Variants in GALNT13 observed in about 807,000 individuals in gnomAD.
GALNT13 encodes UDP-GalNAc:polypeptide N-acetylgalactosaminyltransferase 13.
A neutral mutation model predicts 64.2 loss-of-function variants in GALNT13; 28 were observed. That is an observed-to-expected ratio of 0.44 (90% CI 0.32 to 0.60). GALNT13 has a LOEUF of 0.60. Ranked by LOEUF, GALNT13 falls within the 20% of genes least tolerant of loss-of-function variation. GALNT13 has a pLI of 0.05. For missense variants in GALNT13, 577 were observed against 669.8 expected (o/e 0.86, Z 1.53); for synonymous variants, 214 against 224.6 (o/e 0.95, Z 0.42).
chr2:153,611,139 T>C, the GALNT13 span, among the ~76,000 whole-genome samples: 1 of 152,174 alleles, frequency 6.6e-6, no homozygotes, highest in Non-Finnish European at 1.5e-5. Flanking sequence ...AAGTTAACTC[T>C]CTAAGTTGTA....
chr2:153,759,136 A>G, the GALNT13 span, among the ~76,000 whole-genome samples: 1 of 151,976 alleles, frequency 6.6e-6, no homozygotes, highest in Non-Finnish European at 1.5e-5. Flanking sequence ...ACTGACTTTT[A>G]TATGTTGATT....
the GALNT13 span, among the ~76,000 whole-genome samples, chr2:153,254,848 T>G: frequency 2.0e-5 from 3 of 152,188 alleles, no homozygotes; most frequent in African/African-American, 4.8e-5. Flanking sequence ...TTGTTATAAT[T>G]TCTGTTCTTT....
At chr2:153,562,941 T>A in the GALNT13 span, among the ~76,000 whole-genome samples, 2 of 152,176 alleles carry the variant, frequency 1.3e-5, no homozygotes, top group Non-Finnish European at 2.9e-5. Flanking sequence ...TGATGTACCT[T>A]TGCAAATATG....
intron 4 of GALNT13, among the ~76,000 whole-genome samples, chr2:154,147,834 T>G (rs138745144): frequency 7.4e-4 from 112 of 152,126 alleles, no homozygotes; most frequent in African/African-American, 2.5e-3. Flanking sequence ...AAAGGGTTTT[T>G]AAAATATTAT....
At chr2:153,793,780 ATT>A in the GALNT13 span, among the ~76,000 whole-genome samples, 1 of 152,146 alleles carries the variant, frequency 6.6e-6, no homozygotes, top group Non-Finnish European at 1.5e-5. Flanking sequence ...GGGAAATAGC[ATT>A]TTCTTATACT....
chr2:153,351,698 T>C, the GALNT13 span, among the ~76,000 whole-genome samples: 1 of 152,196 alleles, frequency 6.6e-6, no homozygotes, highest in African/African-American at 2.4e-5. Flanking sequence ...TATCAGATAG[T>C]TGGATCACAC....
At chr2:153,222,509 T>C in the GALNT13 span, among the ~76,000 whole-genome samples, 2 of 152,096 alleles carry the variant, frequency 1.3e-5, no homozygotes, top group Non-Finnish European at 2.9e-5. Flanking sequence ...GGCTTGAAGA[T>C]GGGACTTCAC....
chr2:153,330,174 C>T, the GALNT13 span, among the ~76,000 whole-genome samples: 3 of 152,200 alleles, frequency 2.0e-5, no homozygotes, highest in African/African-American at 4.8e-5. Flanking sequence ...TTTTTGGTTA[C>T]TGTAGCCTTA....
chr2:154,021,912 G>T (rs1043716503), intron 3 of GALNT13, among the ~76,000 whole-genome samples: 11 of 151,780 alleles, frequency 7.2e-5, no homozygotes, highest in Non-Finnish European at 1.6e-4. Flanking sequence ...TTAGCATGAA[G>T]GGTTGTTGAA....
the GALNT13 span, among the ~76,000 whole-genome samples, chr2:153,791,649 C>T: frequency 9.9e-5 from 15 of 151,940 alleles, no homozygotes; most frequent in South Asian, 8.3e-4. Context: ...GCACTATTTA[C>T]GATAGCAAAA....
intron 3 of GALNT13, among the ~76,000 whole-genome samples, chr2:154,103,572 T>C (rs1278758830): frequency 6.6e-6 from 1 of 152,188 alleles, no homozygotes; most frequent in African/African-American, 2.4e-5. Context: ...GCTGGAGTTC[T>C]TGGGCTGACT....
the GALNT13 span, among the ~76,000 whole-genome samples, chr2:153,433,936 G>A: frequency 3.3e-5 from 5 of 151,724 alleles, no homozygotes; most frequent in South Asian, 2.1e-4. Context: ...CCATTAACTC[G>A]TCGTTTAGCA....
the GALNT13 span, among the ~76,000 whole-genome samples, chr2:153,142,754 A>G: frequency 2.0e-5 from 3 of 151,948 alleles, no homozygotes; most frequent in African/African-American, 7.2e-5. Context: ...AAATTAGTGA[A>G]GTTAGCCTGA....
chr2:153,509,276 G>T, the GALNT13 span, among the ~76,000 whole-genome samples: 1 of 152,212 alleles, frequency 6.6e-6, no homozygotes, highest in Non-Finnish European at 1.5e-5. Flanking sequence ...CTGCAGCTGC[G>T]TCAGGGAGCT....
At chr2:153,703,046 G>A in the GALNT13 span, among the ~76,000 whole-genome samples, 1 of 152,136 alleles carries the variant, frequency 6.6e-6, no homozygotes, top group Non-Finnish European at 1.5e-5. Context: ...AAGTAAGGGA[G>A]ACGTTTATAG....
At chr2:153,931,522 A>G (rs1690518333) in intron 2 of GALNT13, among the ~76,000 whole-genome samples, 1 of 151,848 alleles carries the variant, frequency 6.6e-6, no homozygotes. Flanking sequence ...AGATATACTC[A>G]TTTCATGCCT....
chr2:153,307,223 A>G, the GALNT13 span, among the ~76,000 whole-genome samples: 1 of 152,238 alleles, frequency 6.6e-6, no homozygotes, highest in Admixed American at 6.5e-5. Flanking sequence ...AAAATGGTTC[A>G]TCACAGAGGT....
intron 8 of GALNT13, among the ~76,000 whole-genome samples, chr2:154,275,677 C>T (rs1691606723): frequency 6.6e-6 from 1 of 152,156 alleles, no homozygotes; most frequent in African/African-American, 2.4e-5. Context: ...ATGTGGGGTG[C>T]AAGCCCCCAC....
At position 154,150,168 on chromosome 2, in the gene GALNT13, G is replaced by A. The variant is rs141018919; in HGVS notation, c.311+9663G>A. Among the ~76,000 whole-genome samples, 9 of 151,976 alleles carry A rather than the reference G, an allele frequency of 5.9e-5. No homozygotes were observed. In the South Asian group the frequency reaches 1.3e-3, roughly 21 times the overall value. Reference sequence around the variant, plus strand: ...GTTGAATTTTGTCAAAGGCCTTTTCGGCATCTATTGAGATAATCATGTGGT... The same window carrying A: ...GTTGAATTTTGTCAAAGGCCTTTTCAGCATCTATTGAGATAATCATGTGGT... On this transcript the variant is annotated intron_variant, in intron 4 of 12. Coordinates refer to ENST00000392825, the MANE Select transcript of GALNT13 (RefSeq NM_052917.4).
Sources: gnomAD v4.1 joint callset for allele counts (sites outside exome capture counted in the v4.1 genomes callset) on GRCh38, gnomAD v4.1.1 for gene constraint, MANE v1.5 for transcripts, NCBI Gene and HGNC (gene_info 2026-07-23, HGNC 2026-07-21) for gene names.